The following TSPAN9 variants were observed in gnomAD, a reference collection of about 807,000 sequenced individuals.
TSPAN9 encodes the protein tetraspanin 9, also known as tetraspanin-9.
In TSPAN9, 16 loss-of-function variants were observed where a neutral mutation model predicts 31.0. The ratio of observed to expected loss-of-function variants is 0.52; its 90% confidence interval spans 0.35 to 0.78. The LOEUF (loss-of-function observed/expected upper bound fraction) is 0.78, where lower values mean the gene tolerates loss of function less well. Among genes scored for constraint, TSPAN9 ranks in the 30% least tolerant of loss-of-function variants. The probability of loss-of-function intolerance (pLI) is 0.01; values close to 1 mark genes in which losing one functional copy is unlikely to be tolerated. For synonymous variants in TSPAN9, 145 were observed against 121.6 expected (o/e 1.19, Z -1.27); for missense variants, 272 against 312.5 (o/e 0.87, Z 0.98).
intron 3 of TSPAN9, among the ~76,000 whole-genome samples, chr12:3,218,880 G>C (rs528710949): frequency 6.6e-6 from 1 of 152,016 alleles, no homozygotes; most frequent in Admixed American, 6.6e-5. Flanking sequence ...TTACCCCCCG[G>C]CAATCCATCC....
chr12:3,268,228 C>A (rs75711352), intron 3 of TSPAN9, among the ~76,000 whole-genome samples: 1 of 64,276 alleles, frequency 1.6e-5, no homozygotes. Flanking sequence ...CCTGCCCTCT[C>A]TGTGTTCCTG....
At chr12:3,079,314 A>G (rs2153961276) in intron 1 of TSPAN9, among the ~76,000 whole-genome samples, 1 of 152,298 alleles carries the variant, frequency 6.6e-6, no homozygotes, top group South Asian at 2.1e-4. Flanking sequence ...TTATAGGTTA[A>G]GAAAATGATA....
intron 3 of TSPAN9, among the ~76,000 whole-genome samples, chr12:3,261,329 C>G (rs944122177): frequency 1.3e-5 from 2 of 152,264 alleles, no homozygotes; most frequent in Non-Finnish European, 2.9e-5. Context: ...GTACCGTATG[C>G]ATTTTTGGAG....
chr12:3,276,220 G>A (rs1019244535), intron 3 of TSPAN9, among the ~76,000 whole-genome samples: 3 of 152,136 alleles, frequency 2.0e-5, no homozygotes, highest in Non-Finnish European at 4.4e-5. Context: ...TGCTCTCCTG[G>A]CCTCCCTCGG....
chr12:3,169,520 C>T (rs1359135988), intron 2 of TSPAN9, among the ~76,000 whole-genome samples: 2 of 152,168 alleles, frequency 1.3e-5, no homozygotes, highest in Non-Finnish European at 2.9e-5. Context: ...CCAGAGTGGC[C>T]ATAAGGACCA....
chr12:3,259,979 C>T (rs1191212351), intron 3 of TSPAN9, among the ~76,000 whole-genome samples: 1 of 152,224 alleles, frequency 6.6e-6, no homozygotes, highest in Non-Finnish European at 1.5e-5. Context: ...GCAGAGCTGG[C>T]AGGCCTCACT....
intron 2 of TSPAN9, among the ~76,000 whole-genome samples, chr12:3,158,845 C>T (rs2098343674): frequency 6.6e-6 from 1 of 151,802 alleles, no homozygotes; most frequent in Non-Finnish European, 1.5e-5. Flanking sequence ...GCTTGGACAG[C>T]CCTCACCCCA....
At chr12:3,125,198 G>A (rs576792680) in intron 2 of TSPAN9, 8 of 150,550 alleles carry the variant, frequency 5.3e-5, no homozygotes, top group Admixed American at 2.6e-4. Context: ...ATGGTAGTTC[G>A]TGATTATTAG....
At chr12:3,116,792 T>C (rs1425561486) in intron 2 of TSPAN9, among the ~76,000 whole-genome samples, 1 of 152,168 alleles carries the variant, frequency 6.6e-6, no homozygotes, top group African/African-American at 2.4e-5. Context: ...CCTGGGAGTA[T>C]TTGACAACAG....
intron 3 of TSPAN9, among the ~76,000 whole-genome samples, chr12:3,263,253 C>T (rs894380050): frequency 3.3e-5 from 5 of 152,202 alleles, no homozygotes; most frequent in African/African-American, 1.2e-4. Context: ...TTAGTTTCAA[C>T]CTTTTGTTTT....
chr12:3,178,491 G>A (rs748169716), intron 2 of TSPAN9, among the ~76,000 whole-genome samples: 5 of 152,000 alleles, frequency 3.3e-5, no homozygotes, highest in African/African-American at 7.2e-5. Flanking sequence ...TGTTTTCACC[G>A]TGTTGGCCAG....
intron 2 of TSPAN9, among the ~76,000 whole-genome samples, chr12:3,128,275 A>G (rs748158556): frequency 1.7e-4 from 26 of 152,190 alleles, no homozygotes; most frequent in South Asian, 4.1e-4. Flanking sequence ...GGCCCTGACC[A>G]CTTTTTCTCC....
chr12:3,132,546 C>T (rs543906579), intron 2 of TSPAN9, among the ~76,000 whole-genome samples: 6 of 152,084 alleles, frequency 3.9e-5, no homozygotes, highest in African/African-American at 1.2e-4. Context: ...CTTCAGTTCC[C>T]GCATTCCTGT....
rs112429529 is a variant in TSPAN9 at position 3,198,834 on chromosome 12, G to C, written c.-17-2343G>C. ...CCAGCACAGCTCACCACCAGCACAG[G>C]TCACACCAGCACAGGTCACCACCAG... is the stretch of plus-strand genomic sequence containing the variant. On this transcript the variant is annotated intron_variant, in intron 2 of 8. Coordinates refer to ENST00000011898, the MANE Select transcript of TSPAN9 (RefSeq NM_006675.5). Among the ~76,000 whole-genome samples the C allele has an allele frequency of 2.1e-4, 12 of 57,680 alleles. 3 individuals carry two copies. The highest frequency in any genetic ancestry group is 6.8e-4 in the African/African-American group (8 of 11,828). The allele number at this position is 57,680 out of a possible 152,430, so 37.8% of individuals were successfully genotyped here.
At chr12:3,088,604 G>A (rs998536169) in intron 2 of TSPAN9, among the ~76,000 whole-genome samples, 15 of 152,370 alleles carry the variant, frequency 9.8e-5, no homozygotes, top group African/African-American at 3.4e-4. Context: ...CTCCTGGACG[G>A]AGCAGTTCGT....
chr12:3,229,111 G>A (rs1334500088), intron 3 of TSPAN9, among the ~76,000 whole-genome samples: 1 of 152,234 alleles, frequency 6.6e-6, no homozygotes, highest in Non-Finnish European at 1.5e-5. Flanking sequence ...CACATTCACA[G>A]GTTCCAGGGA....
At position 3,121,352 on chromosome 12, in the gene TSPAN9, C is replaced by CT. The variant is rs59198394; in HGVS notation, c.-18+37658dup. ...GATTTTTCAAAACAGGGGATGTTGG[C>CT]TTTTTTTTTTTTTTTTTTTTTTTTT... On this transcript the variant is annotated intron_variant, in intron 2 of 8. Coordinates refer to ENST00000011898, the MANE Select transcript of TSPAN9 (RefSeq NM_006675.5). 1.5e-3 allele frequency among the ~76,000 whole-genome samples: 158 copies of CT among 108,298 alleles called. 2 individuals are homozygous for CT. Among genetic ancestry groups the CT allele is most frequent in the African/African-American group, 2.0e-3 (56 of 28,032 alleles). 71.0% of individuals were successfully genotyped at this position (108,298 alleles called of 152,430 possible).
At chr12:3,201,125 G>C (rs2098371402) in intron 2 of TSPAN9, 52 bp from the exon 3 acceptor site, 1 of 1,516,570 alleles carries the variant, frequency 6.6e-7, no homozygotes, top group Admixed American at 1.7e-5. Context: ...TGCACCCAAA[G>C]GCAGCAAGTA....
At chr12:3,108,330 T>C (rs186365927) in intron 2 of TSPAN9, among the ~76,000 whole-genome samples, 2 of 152,368 alleles carry the variant, frequency 1.3e-5, no homozygotes, top group Admixed American at 6.5e-5. Context: ...TGGCTTGGTA[T>C]AGGATCTCAG....
Sources: allele counts gnomAD v4.1 joint callset (sites outside exome capture counted in the v4.1 genomes callset), GRCh38; gene constraint gnomAD v4.1.1; transcripts MANE v1.5; gene names NCBI Gene and HGNC (gene_info 2026-07-23, HGNC 2026-07-21).